Variants in SLC9D1 observed in about 807,000 individuals in gnomAD.
SLC9D1 encodes putative LAG1-interacting protein.
the SLC9D1 span, among the ~76,000 whole-genome samples, chr13:113,509,097 C>T: frequency 2.8e-3 from 332 of 119,486 alleles, 9 homozygotes; most frequent in African/African-American, 0.012. Flanking sequence ...CCTGACACTG[C>T]CTGTGTATGT....
the SLC9D1 span, among the ~76,000 whole-genome samples, chr13:113,518,296 C>T: frequency 1.0e-3 from 155 of 152,262 alleles, no homozygotes; most frequent in African/African-American, 3.2e-3. Flanking sequence ...GTGTTTCCTG[C>T]GCAGGCCCTG....
the SLC9D1 span, among the ~76,000 whole-genome samples, chr13:113,492,597 A>G: frequency 1.3e-5 from 2 of 152,242 alleles, no homozygotes; most frequent in Admixed American, 6.5e-5. Flanking sequence ...ATGTGTATCA[A>G]TTGCTCAAGA....
At chr13:113,537,419 C>T in the SLC9D1 span, among the ~76,000 whole-genome samples, 1 of 152,356 alleles carries the variant, frequency 6.6e-6, no homozygotes, top group South Asian at 2.1e-4. Flanking sequence ...TGTCTGGCTT[C>T]CACTTAGCAC....
At chr13:113,533,799 T>C in the SLC9D1 span, among the ~76,000 whole-genome samples, 118,486 of 152,240 alleles carry the variant, frequency 0.78, 47,226 homozygotes, top group African/African-American at 0.94. Context: ...ATTTTCACAT[T>C]CTAGAATACG....
the SLC9D1 span, chr13:113,520,837 C>A: frequency 1.2e-6 from 1 of 866,066 alleles, no homozygotes; most frequent in Non-Finnish European, 1.9e-6. Flanking sequence ...GCTCAGATGG[C>A]TCAGGATTCC....
chr13:113,494,071 A>G, the SLC9D1 span, among the ~76,000 whole-genome samples: 3 of 152,244 alleles, frequency 2.0e-5, no homozygotes, highest in Admixed American at 6.5e-5. Context: ...ATAGATATAT[A>G]GATACATCTT....
the SLC9D1 span, among the ~76,000 whole-genome samples, chr13:113,512,637 A>G: frequency 6.7e-6 from 1 of 148,924 alleles, no homozygotes; most frequent in Non-Finnish European, 1.5e-5. Context: ...TTGGAGCCCC[A>G]GGTGCTGGGA....
chr13:113,513,147 A>G, the SLC9D1 span, among the ~76,000 whole-genome samples: 5 of 152,172 alleles, frequency 3.3e-5, no homozygotes, highest in Non-Finnish European at 7.4e-5. Context: ...AGGAACAGCA[A>G]ATAATTGGGC....
the SLC9D1 span, chr13:113,530,545 A>G: frequency 2.0e-5 from 3 of 152,290 alleles, no homozygotes; most frequent in Admixed American, 6.5e-5. Context: ...GTAATTTAGG[A>G]AAACCTCCCT....
At chr13:113,498,543 C>T in the SLC9D1 span, 916 of 1,548,098 alleles carry the variant, frequency 5.9e-4, 2 homozygotes, top group African/African-American at 0.012. Context: ...AGAACAGCTG[C>T]TTCTTCACCT....
chr13:113,542,622 G>A, the SLC9D1 span, among the ~76,000 whole-genome samples: 8 of 152,298 alleles, frequency 5.3e-5, no homozygotes, highest in South Asian at 1.0e-3. Context: ...GAGATGGGCC[G>A]CTCTGGAAAT....
the SLC9D1 span, among the ~76,000 whole-genome samples, chr13:113,543,858 A>G: frequency 1.3e-5 from 2 of 152,240 alleles, no homozygotes; most frequent in South Asian, 4.1e-4. Context: ...TATTCACATC[A>G]TTCTACGTGT....
At chr13:113,540,101 C>T in the SLC9D1 span, among the ~76,000 whole-genome samples, 1 of 152,194 alleles carries the variant, frequency 6.6e-6, no homozygotes, top group Admixed American at 6.5e-5. Flanking sequence ...ACCACATTTT[C>T]TTTATCTGGT....
the SLC9D1 span, among the ~76,000 whole-genome samples, chr13:113,506,799 A>C: frequency 6.6e-6 from 1 of 152,218 alleles, no homozygotes; most frequent in Non-Finnish European, 1.5e-5. Context: ...TCACAGTTAA[A>C]TAAAAAATAA....
At chr13:113,518,312 G>A in the SLC9D1 span, among the ~76,000 whole-genome samples, 3 of 152,156 alleles carry the variant, frequency 2.0e-5, no homozygotes, top group Admixed American at 1.3e-4. Flanking sequence ...CCCTGTGGGT[G>A]TGGACTCGGG....
the SLC9D1 span, among the ~76,000 whole-genome samples, chr13:113,493,005 A>T: frequency 6.6e-6 from 1 of 152,238 alleles, no homozygotes; most frequent in African/African-American, 2.4e-5. Context: ...ACATGCTACA[A>T]TTTAGTAGTC....
the SLC9D1 span, chr13:113,520,483 C>CAAAAAA: frequency 2.2e-4 from 79 of 366,444 alleles, no homozygotes; most frequent in East Asian, 1.9e-3. Context: ...AACTCCATCT[C>CAAAAAA]AAAAAAAAAA....
At chr13:113,494,109 A>G in the SLC9D1 span, among the ~76,000 whole-genome samples, 1 of 152,212 alleles carries the variant, frequency 6.6e-6, no homozygotes, top group Admixed American at 6.5e-5. Context: ...AGGTCGGGGA[A>G]TCTTTGTAAT....
At chr13:113,548,791 C>A in the SLC9D1 span, among the ~76,000 whole-genome samples, 1 of 152,190 alleles carries the variant, frequency 6.6e-6, no homozygotes, top group African/African-American at 2.4e-5. Context: ...CCCGTAATGG[C>A]AGTGTGCCCG....
Sources: gnomAD v4.1 joint callset for allele counts (sites outside exome capture counted in the v4.1 genomes callset) on GRCh38, gnomAD v4.1.1 for gene constraint, MANE v1.5 for transcripts, NCBI Gene and HGNC (gene_info 2026-07-23, HGNC 2026-07-21) for gene names.